Variants in SMG6 observed in about 807,000 individuals in gnomAD.
SMG6 encodes telomerase-binding protein EST1A.
Under a neutral mutation model 142.2 loss-of-function variants are expected in SMG6, and 66 were observed. That is an observed-to-expected ratio of 0.46 (90% CI 0.38 to 0.57). SMG6 has a LOEUF of 0.57. SMG6 is among the 20% of genes least tolerant of loss of function. The pLI, the probability that SMG6 is intolerant of heterozygous loss-of-function variation, is 0.00. For missense variants in SMG6, 1,793 were observed against 1,832.0 expected (o/e 0.98, Z 0.39); for synonymous variants, 779 against 702.4 (o/e 1.11, Z -1.72).
chr17:2,219,803 CAAAAA>C (rs72234069), intron 10 of SMG6, among the ~76,000 whole-genome samples: 255 of 118,072 alleles, frequency 2.2e-3, no homozygotes, highest in African/African-American at 5.1e-3. Flanking sequence ...GACCCTTTAT[CAAAAA>C]AAAAAAAAAA....
chr17:2,289,499 G>A (rs991763642), intron 6 of SMG6, among the ~76,000 whole-genome samples: 1 of 152,178 alleles, frequency 6.6e-6, no homozygotes, highest in Non-Finnish European at 1.5e-5. Flanking sequence ...CGAGACTGCA[G>A]TGAGCTATGA....
chr17:2,164,416 C>G (rs2071271662), intron 13 of SMG6, among the ~76,000 whole-genome samples: 1 of 151,744 alleles, frequency 6.6e-6, no homozygotes, highest in Non-Finnish European at 1.5e-5. Flanking sequence ...GAGCAAAACG[C>G]TGTCTCAGAA....
chr17:2,067,585 C>T (rs1207720105), intron 16 of SMG6, among the ~76,000 whole-genome samples: 2 of 152,202 alleles, frequency 1.3e-5, no homozygotes, highest in African/African-American at 4.8e-5. Flanking sequence ...GTGACAGAAA[C>T]TGTTCTACTG....
At chr17:2,066,598 G>A (rs1372574202) in intron 16 of SMG6, among the ~76,000 whole-genome samples, 1 of 145,946 alleles carries the variant, frequency 6.9e-6, no homozygotes, top group Non-Finnish European at 1.5e-5. Flanking sequence ...GGTGAGCCTG[G>A]CACTCATTGT....
At chr17:2,126,614 G>A (rs1005614399) in intron 13 of SMG6, among the ~76,000 whole-genome samples, 7 of 151,788 alleles carry the variant, frequency 4.6e-5, no homozygotes, top group African/African-American at 7.3e-5. Context: ...CTATTTGAAA[G>A]GCGGGGCACA....
Position 2,097,154 on chromosome 17 carries a change from TC to T in SMG6, c.3358-11254del, listed in dbSNP as rs200202815. The stretch of plus-strand genomic sequence containing the variant: ...TTGAAGAAATATATAATTTTTCTTT[TC>T]TTTTCTTTTTTTTTTTTAGACAGGG... On this transcript the variant is annotated intron_variant, in intron 13 of 18. Transcript: ENST00000263073. Among the ~76,000 whole-genome samples, 545 of 151,962 alleles carry T rather than the reference TC, an allele frequency of 3.6e-3. 5 individuals carry two copies. Among genetic ancestry groups the T allele is most frequent in the African/African-American group, 0.011 (440 of 41,392 alleles).
At chr17:2,238,553 G>A (rs938362267) in intron 9 of SMG6, among the ~76,000 whole-genome samples, 1 of 152,192 alleles carries the variant, frequency 6.6e-6, no homozygotes, top group African/African-American at 2.4e-5. Context: ...TTCTCGTTAC[G>A]AGAATAGCAG....
intron 10 of SMG6, among the ~76,000 whole-genome samples, chr17:2,231,391 C>T (rs2073487966): frequency 1.3e-5 from 2 of 152,128 alleles, no homozygotes; most frequent in South Asian, 4.1e-4. Flanking sequence ...TTCAGGATTA[C>T]TAACACCATT....
At chr17:2,166,216 A>G (rs2071334196) in intron 13 of SMG6, among the ~76,000 whole-genome samples, 1 of 152,056 alleles carries the variant, frequency 6.6e-6, no homozygotes, top group Non-Finnish European at 1.5e-5. Flanking sequence ...TCCATCTCCA[A>G]AACAACAACA....
intron 10 of SMG6, among the ~76,000 whole-genome samples, chr17:2,225,007 A>G (rs946225985): frequency 6.6e-6 from 1 of 152,242 alleles, no homozygotes; most frequent in Non-Finnish European, 1.5e-5. Context: ...CTAGAATTCT[A>G]TTACTGGAAT....
chr17:2,143,748 T>C (rs1364479039), intron 13 of SMG6, among the ~76,000 whole-genome samples: 2 of 152,220 alleles, frequency 1.3e-5, no homozygotes, highest in African/African-American at 2.4e-5. Context: ...AATAAATTGA[T>C]TAAAATTTAA....
At chr17:2,219,097 TAATGCA>T (rs2073100711) in intron 10 of SMG6, among the ~76,000 whole-genome samples, 1 of 152,090 alleles carries the variant, frequency 6.6e-6, no homozygotes, top group Non-Finnish European at 1.5e-5. Flanking sequence ...TTAAAATGCT[TAATGCA>T]GCCAGGCACG....
chr17:2,171,432 C>T (rs552965885), intron 13 of SMG6, among the ~76,000 whole-genome samples: 1 of 152,070 alleles, frequency 6.6e-6, no homozygotes, highest in South Asian at 2.1e-4. Flanking sequence ...ACAGTGCTCT[C>T]ACTTCTGGGT....
At chr17:2,095,895 A>G in intron 13 of SMG6, among the ~76,000 whole-genome samples, 1 of 134,422 alleles carries the variant, frequency 7.4e-6, no homozygotes, top group Admixed American at 8.8e-5. Flanking sequence ...TTATTCCCTA[A>G]TCCGGAACTT....
intron 10 of SMG6, among the ~76,000 whole-genome samples, chr17:2,225,242 C>A (rs1194880881): frequency 6.6e-6 from 1 of 151,328 alleles, no homozygotes; most frequent in African/African-American, 2.4e-5. Context: ...CTTTGGGAGG[C>A]TGAGGTGGGG....
At chr17:2,118,344 G>C (rs929460264) in intron 13 of SMG6, among the ~76,000 whole-genome samples, 8 of 152,152 alleles carry the variant, frequency 5.3e-5, no homozygotes, top group Non-Finnish European at 1.0e-4. Flanking sequence ...TAAGAGACCA[G>C]CCTGGCCAAC....
At chr17:2,067,554 T>C (rs2067987153) in intron 16 of SMG6, among the ~76,000 whole-genome samples, 2 of 152,176 alleles carry the variant, frequency 1.3e-5, no homozygotes, top group South Asian at 4.1e-4. Context: ...GACAACGTGA[T>C]GGTTCTGCTG....
chr17:2,172,574 G>T, intron 13 of SMG6, 84 bp downstream of exon 13: 1 of 1,419,938 alleles, frequency 7.0e-7, no homozygotes, highest in Admixed American at 1.8e-5. Context: ...TGTTCCATTT[G>T]CACAGAAAAC....
chr17:2,147,257 G>A (rs554098782), intron 13 of SMG6, among the ~76,000 whole-genome samples: 1 of 152,260 alleles, frequency 6.6e-6, no homozygotes, highest in South Asian at 2.1e-4. Flanking sequence ...GCTGAGCGTG[G>A]TGGTGGGTGA....
Sources: gnomAD v4.1 joint callset for allele counts (sites outside exome capture counted in the v4.1 genomes callset) on GRCh38, gnomAD v4.1.1 for gene constraint, MANE v1.5 for transcripts, NCBI Gene and HGNC (gene_info 2026-07-23, HGNC 2026-07-21) for gene names.